Variants in SORCS2 observed in about 807,000 individuals in gnomAD.
SORCS2 encodes sortilin related VPS10 domain containing receptor 2.
SORCS2 carries 100 observed loss-of-function variants against 141.6 expected under a neutral mutation model. That is an observed-to-expected ratio of 0.71 (90% CI 0.60 to 0.83). The LOEUF (loss-of-function observed/expected upper bound fraction) is 0.83, where lower values mean the gene tolerates loss of function less well. Ranked by LOEUF, SORCS2 falls within the 40% of genes least tolerant of loss-of-function variation. The pLI, the probability that SORCS2 is intolerant of heterozygous loss-of-function variation, is 0.00. For missense variants in SORCS2, 1,646 were observed against 1,560.2 expected (o/e 1.05, Z -0.93); for synonymous variants, 789 against 676.9 (o/e 1.17, Z -2.57).
At chr4:7,533,810 G>A (rs144585559) in intron 3 of SORCS2, among the ~76,000 whole-genome samples, 43 of 152,342 alleles carry the variant, frequency 2.8e-4, no homozygotes, top group African/African-American at 9.9e-4. Context: ...CTGAGCCTCA[G>A]TTTCCTGGCC....
At chr4:7,228,850 C>G (rs191000225) in intron 1 of SORCS2, among the ~76,000 whole-genome samples, 5 of 152,314 alleles carry the variant, frequency 3.3e-5, no homozygotes, top group Admixed American at 2.6e-4. Context: ...GGGGAGTGCC[C>G]CATGGTGTTC....
intron 3 of SORCS2, among the ~76,000 whole-genome samples, chr4:7,559,978 A>T (rs1212068093): frequency 6.6e-6 from 1 of 152,228 alleles, no homozygotes; most frequent in Non-Finnish European, 1.5e-5. Context: ...GACCTACCCG[A>T]ACCACTGTCC....
intron 3 of SORCS2, among the ~76,000 whole-genome samples, chr4:7,563,351 A>C (rs1170330608): frequency 2.0e-5 from 3 of 152,148 alleles, no homozygotes; most frequent in Non-Finnish European, 2.9e-5. Context: ...TTCATCCTTC[A>C]TTTCCATTTT....
chr4:7,579,586 C>T (rs10755155), intron 3 of SORCS2, among the ~76,000 whole-genome samples: 140,762 of 152,164 alleles, frequency 0.93, 65,902 homozygotes, highest in Non-Finnish European at 1. Flanking sequence ...AGGGCCTGGT[C>T]CAAGTATCCC....
intron 1 of SORCS2, among the ~76,000 whole-genome samples, chr4:7,262,154 C>G (rs1018249927): frequency 6.7e-6 from 1 of 150,284 alleles, no homozygotes; most frequent in Non-Finnish European, 1.5e-5. Flanking sequence ...GCCCATCTAC[C>G]CATCCATTCT....
chr4:7,320,937 T>TTA (rs1047677408), intron 1 of SORCS2, among the ~76,000 whole-genome samples: 8 of 141,900 alleles, frequency 5.6e-5, no homozygotes, highest in Admixed American at 4.9e-4. Context: ...TTCTTTTTCC[T>TTA]TATATATATA....
intron 2 of SORCS2, among the ~76,000 whole-genome samples, chr4:7,457,956 C>A (rs1404086049): frequency 6.6e-6 from 1 of 152,086 alleles, no homozygotes; most frequent in Non-Finnish European, 1.5e-5. Flanking sequence ...CAGGGACGTC[C>A]ACACTGTTAG....
chr4:7,243,500 C>T (rs1319535591), intron 1 of SORCS2, among the ~76,000 whole-genome samples: 1 of 152,086 alleles, frequency 6.6e-6, no homozygotes, highest in Non-Finnish European at 1.5e-5. Context: ...CTGGAGGAGC[C>T]CGGGCTCCAG....
intron 3 of SORCS2, among the ~76,000 whole-genome samples, chr4:7,619,580 G>A (rs1235143866): frequency 6.6e-6 from 1 of 152,166 alleles, no homozygotes; most frequent in East Asian, 1.9e-4. Context: ...TCCCAGCTTG[G>A]TGCCCAATGA....
At chr4:7,583,688 T>A (rs930184260) in intron 3 of SORCS2, among the ~76,000 whole-genome samples, 3 of 152,246 alleles carry the variant, frequency 2.0e-5, no homozygotes, top group Non-Finnish European at 4.4e-5. Context: ...TAAGATGTGC[T>A]TTTCACTTTC....
intron 3 of SORCS2, among the ~76,000 whole-genome samples, chr4:7,560,082 A>G (rs1714425672): frequency 6.6e-6 from 1 of 152,258 alleles, no homozygotes; most frequent in African/African-American, 2.4e-5. Context: ...CGACAGTCTG[A>G]ACAAATGCTC....
chr4:7,306,865 T>A (rs1457817376), intron 1 of SORCS2, among the ~76,000 whole-genome samples: 7 of 152,104 alleles, frequency 4.6e-5, no homozygotes, highest in Non-Finnish European at 1.0e-4. Flanking sequence ...GCAGGCAGCG[T>A]TGTGGGCGAC....
At chr4:7,495,597 G>T (rs750738937) in intron 2 of SORCS2, among the ~76,000 whole-genome samples, 1 of 152,218 alleles carries the variant, frequency 6.6e-6, no homozygotes, top group South Asian at 2.1e-4. Flanking sequence ...TCATGGAAAT[G>T]AGCAGTTGTC....
intron 1 of SORCS2, among the ~76,000 whole-genome samples, chr4:7,250,610 A>T (rs1437625899): frequency 6.6e-6 from 1 of 152,270 alleles, no homozygotes; most frequent in Non-Finnish European, 1.5e-5. Context: ...TGAGAGGCAG[A>T]TGTTGAGGCC....
rs559168527 is a variant in SORCS2, at chr4:7,516,851, C to T, written c.549-14679C>T. Among the ~76,000 whole-genome samples the T allele has an allele frequency of 1.6e-4, 24 of 152,332 alleles. No individual in the cohort carries two copies. The East Asian group carries it at 3.3e-3, about 21-fold the overall frequency. Reference sequence around the variant, plus strand: ...GAGAAGTCTCCTCCCTCATCATCCCCTTCAGGCAGCAGCTACTGCTGAGGA... The same window carrying T: ...GAGAAGTCTCCTCCCTCATCATCCCTTTCAGGCAGCAGCTACTGCTGAGGA... On this transcript the variant is annotated intron_variant, in intron 2 of 26. Coordinates refer to ENST00000507866, the MANE Select transcript of SORCS2 (RefSeq NM_020777.3).
chr4:7,529,152 C>A (rs1253664093), intron 2 of SORCS2, among the ~76,000 whole-genome samples: 5 of 152,164 alleles, frequency 3.3e-5, no homozygotes, highest in African/African-American at 1.2e-4. Context: ...ACTACTCAAG[C>A]CCGTCCAAAT....
In SORCS2 at chr4:7,689,684, G is replaced by T. The variant is rs1724094332; in HGVS notation, c.1591+96G>T. 10 of 1,171,026 alleles carry T rather than the reference G, an allele frequency of 8.5e-6. No individual in the cohort carries two copies. In the African/African-American group the frequency reaches 9.3e-5, roughly 11 times the overall value. 72.5% of individuals were successfully genotyped at this position (1,171,026 alleles called of 1,614,324 possible). On this transcript the variant is annotated intron_variant, in intron 11 of 26. Coordinates refer to ENST00000507866, the MANE Select transcript of SORCS2 (RefSeq NM_020777.3). The stretch of plus-strand genomic sequence containing the variant: ...AAAAAGGGATGGTCATGAGCCTGAG[G>T]CCATAGTATGTCCTTTAGGAGGCAG...
intron 1 of SORCS2, among the ~76,000 whole-genome samples, chr4:7,295,688 C>A (rs899020129): frequency 6.6e-6 from 1 of 152,240 alleles, no homozygotes; most frequent in Non-Finnish European, 1.5e-5. Context: ...AACGGGACGG[C>A]ACTCTCAGCC....
intron 1 of SORCS2, among the ~76,000 whole-genome samples, chr4:7,226,512 G>A (rs1028507797): frequency 6.6e-6 from 1 of 152,140 alleles, no homozygotes; most frequent in Non-Finnish European, 1.5e-5. Context: ...TGGGGGGAAT[G>A]TATGAGGGGA....
Sources: gnomAD v4.1 joint callset for allele counts (sites outside exome capture counted in the v4.1 genomes callset) on GRCh38, gnomAD v4.1.1 for gene constraint, MANE v1.5 for transcripts, NCBI Gene and HGNC (gene_info 2026-07-23, HGNC 2026-07-21) for gene names.